Variants in SFXN5 observed in about 807,000 individuals in gnomAD.
SFXN5 encodes sideroflexin-5.
Under a neutral mutation model 50.2 loss-of-function variants are expected in SFXN5, and 43 were observed. That is an observed-to-expected ratio of 0.86 (90% CI 0.67 to 1.11). The LOEUF (loss-of-function observed/expected upper bound fraction) is 1.11. Among genes scored for constraint, SFXN5 ranks in the 50% least tolerant of loss-of-function variants. The probability of loss-of-function intolerance (pLI) is 0.00; values close to 1 mark genes in which losing one functional copy is unlikely to be tolerated. For synonymous variants in SFXN5, 203 were observed against 185.8 expected (o/e 1.09, Z -0.75); for missense variants, 463 against 454.1 (o/e 1.02, Z -0.18).
At chr2:73,038,430 G>T (rs963311224) in intron 3 of SFXN5, among the ~76,000 whole-genome samples, 1 of 152,232 alleles carries the variant, frequency 6.6e-6, no homozygotes, top group South Asian at 2.1e-4. Flanking sequence ...GGTCATTACC[G>T]TACAGTACTA....
chr2:72,952,608 C>A (rs1483313930), intron 13 of SFXN5, among the ~76,000 whole-genome samples: 2 of 152,210 alleles, frequency 1.3e-5, no homozygotes, highest in Non-Finnish European at 2.9e-5. Context: ...CGCCCCCTAC[C>A]ATTTTGGAGC....
intron 9 of SFXN5, among the ~76,000 whole-genome samples, chr2:72,988,792 G>A (rs1672222492): frequency 6.6e-6 from 1 of 152,148 alleles, no homozygotes; most frequent in Non-Finnish European, 1.5e-5. Flanking sequence ...GGTACATGCA[G>A]GTGTGGGCCC....
chr2:73,018,643 C>T (rs1176662987), intron 6 of SFXN5, among the ~76,000 whole-genome samples: 1 of 152,162 alleles, frequency 6.6e-6, no homozygotes, highest in Non-Finnish European at 1.5e-5. Context: ...TAGTTTTTTA[C>T]CCAATAGTTT....
intron 2 of SFXN5, among the ~76,000 whole-genome samples, chr2:73,056,315 G>C (rs553160446): frequency 2.6e-5 from 4 of 151,948 alleles, no homozygotes; most frequent in Non-Finnish European, 5.9e-5. Context: ...CTGGGAGGCG[G>C]AGGTTGCAGT....
chr2:73,063,445 T>C (rs1255992062), intron 1 of SFXN5, among the ~76,000 whole-genome samples: 2 of 152,184 alleles, frequency 1.3e-5, no homozygotes, highest in African/African-American at 2.4e-5. Flanking sequence ...AATGAAGCAG[T>C]GCTTCAATAG....
chr2:72,951,462 C>T (rs1672526864), intron 13 of SFXN5, among the ~76,000 whole-genome samples: 1 of 152,204 alleles, frequency 6.6e-6, no homozygotes, highest in Non-Finnish European at 1.5e-5. Context: ...TCCTGCCTCA[C>T]TGTGGGTGGG....
intron 1 of SFXN5, among the ~76,000 whole-genome samples, chr2:73,060,387 A>G (rs1682661291): frequency 6.6e-6 from 1 of 152,244 alleles, no homozygotes; most frequent in African/African-American, 2.4e-5. Context: ...TCTAATCACA[A>G]GAAAACAACA....
chr2:73,064,849 C>T (rs1158715960), intron 1 of SFXN5, among the ~76,000 whole-genome samples: 8 of 152,168 alleles, frequency 5.3e-5, no homozygotes, highest in African/African-American at 1.4e-4. Context: ...TGCAGTGGCA[C>T]GATCATAGCT....
intron 6 of SFXN5, among the ~76,000 whole-genome samples, chr2:73,013,027 T>C (rs1675727765): frequency 6.7e-6 from 1 of 150,158 alleles, no homozygotes; most frequent in African/African-American, 2.5e-5. Flanking sequence ...TCCTCTAGTA[T>C]AAATCAGGAG....
intron 3 of SFXN5, among the ~76,000 whole-genome samples, chr2:73,026,135 TTTC>T (rs1270138295): frequency 1.4e-5 from 2 of 145,198 alleles, no homozygotes; most frequent in African/African-American, 5.5e-5. Context: ...GCTTTTTTTT[TTTC>T]TTTTTTTGAG....
At chr2:73,043,436 C>T (rs114400710) in intron 2 of SFXN5, among the ~76,000 whole-genome samples, 1,981 of 152,350 alleles carry the variant, frequency 0.013, 45 homozygotes, top group African/African-American at 0.043. Flanking sequence ...GAGAGGCCAC[C>T]CTCGACCCCT....
At chr2:72,980,575 A>G (rs1305259705) in intron 10 of SFXN5, among the ~76,000 whole-genome samples, 1 of 152,168 alleles carries the variant, frequency 6.6e-6, no homozygotes, top group Non-Finnish European at 1.5e-5. Flanking sequence ...TTGAAGTGTC[A>G]CCGACTCAGG....
At chr2:73,059,677 G>A (rs1682592520) in intron 1 of SFXN5, 1 of 964,082 alleles carries the variant, frequency 1.0e-6, no homozygotes, top group Non-Finnish European at 1.2e-6. Context: ...CCCAGGTGCT[G>A]TCTCTCACAA....
chr2:72,948,194 C>T (rs1672162540), intron 13 of SFXN5, among the ~76,000 whole-genome samples: 1 of 152,166 alleles, frequency 6.6e-6, no homozygotes, highest in Non-Finnish European at 1.5e-5. Flanking sequence ...TATGTCATTC[C>T]AAGCTATTTA....
intron 12 of SFXN5, among the ~76,000 whole-genome samples, chr2:72,963,917 A>C (rs1674062078): frequency 6.6e-6 from 1 of 152,056 alleles, no homozygotes; most frequent in Non-Finnish European, 1.5e-5. Flanking sequence ...GGTGGTGGAG[A>C]GGGAAGGATG....
At chr2:73,033,963 A>T (rs946905814) in intron 3 of SFXN5, among the ~76,000 whole-genome samples, 1 of 152,180 alleles carries the variant, frequency 6.6e-6, no homozygotes, top group African/African-American at 2.4e-5. Flanking sequence ...AAAAAAGAAT[A>T]ATCTGGCTCC....
At position 72,960,276 on chromosome 2, in the gene SFXN5, C is replaced by G. The variant is rs1454203878; in HGVS notation, c.945+855G>C. Among the ~76,000 whole-genome samples the G allele has an allele frequency of 6.6e-6, 1 of 152,148 alleles. No individual in the cohort carries two copies. The highest frequency in any genetic ancestry group is 2.4e-5 in the African/African-American group (1 of 41,428). Reference sequence around the variant, plus strand: ...TGCCCTCCCTCGAACCTGCCCCCGCCTGGCTCCATCTCATTAAGCACCTAC... The same window carrying G: ...TGCCCTCCCTCGAACCTGCCCCCGCGTGGCTCCATCTCATTAAGCACCTAC... On this transcript the variant is annotated intron_variant, in intron 13 of 13. Transcript: ENST00000272433. The surrounding 1 kb of genome is among the most constrained non-coding windows in gnomAD (Gnocchi z 6.1).
chr2:73,001,728 G>A (rs1206758975), intron 6 of SFXN5, 150 bp from the exon 7 acceptor site: 2 of 733,550 alleles, frequency 2.7e-6, no homozygotes, highest in Non-Finnish European at 4.5e-6. Flanking sequence ...TTCATTGAGG[G>A]AGAGGCTGTG....
rs189014379 is a variant in SFXN5 at position 72,968,779 on chromosome 2, T to C, written c.742-246A>G. Among the ~76,000 whole-genome samples the C allele has an allele frequency of 5.0e-3, 762 of 151,800 alleles. 5 individuals carry two copies. Among genetic ancestry groups the C allele is most frequent in the African/African-American group, 0.018 (726 of 41,404 alleles). The stretch of plus-strand genomic sequence containing the variant: ...CCTTCCTTTTTTCTTTCCTCTCTCT[T>C]TCTTTCTTTCCTCTCTCTCTCTTTC... On this transcript the variant is annotated intron_variant, in intron 11 of 13. Coordinates refer to ENST00000272433, the MANE Select transcript of SFXN5 (RefSeq NM_144579.3).
Sources: allele counts gnomAD v4.1 joint callset (sites outside exome capture counted in the v4.1 genomes callset), GRCh38; gene constraint gnomAD v4.1.1; non-coding constraint Gnocchi (gnomAD v3.1); transcripts MANE v1.5; gene names NCBI Gene and HGNC (gene_info 2026-07-23, HGNC 2026-07-21).